Variants in AFF3 observed in about 807,000 individuals in gnomAD.
AFF3 encodes AF4/FMR2 family member 3.
Under a neutral mutation model 129.7 loss-of-function variants are expected in AFF3, and 32 were observed. That is an observed-to-expected ratio of 0.25 (90% CI 0.19 to 0.33). AFF3 has a LOEUF of 0.33. Ranked by LOEUF, AFF3 falls within the 10% of genes least tolerant of loss-of-function variation. The probability of loss-of-function intolerance (pLI) is 1.00; values close to 1 mark genes in which losing one functional copy is unlikely to be tolerated. For synonymous variants in AFF3, 644 were observed against 635.4 expected (o/e 1.01, Z -0.20); for missense variants, 1,373 against 1,592.0 (o/e 0.86, Z 2.34).
At chr2:100,009,435 T>C (rs1682301297) in intron 4 of AFF3, among the ~76,000 whole-genome samples, 1 of 152,138 alleles carries the variant, frequency 6.6e-6, no homozygotes, top group Admixed American at 6.5e-5. Context: ...TTCACAGTTA[T>C]GAGCCTTCTT....
chr2:99,639,155 C>G (rs1211438538), intron 13 of AFF3, among the ~76,000 whole-genome samples: 2 of 152,140 alleles, frequency 1.3e-5, no homozygotes, highest in East Asian at 3.8e-4. Context: ...GTATCCTCAG[C>G]CTGCTCTCTT....
At chr2:100,000,493 ATCTC>A (rs756074765) in intron 7 of AFF3, among the ~76,000 whole-genome samples, 7 of 148,820 alleles carry the variant, frequency 4.7e-5, no homozygotes, top group South Asian at 2.1e-4. Context: ...GTAGAATTTC[ATCTC>A]TCTCTAGCAC....
At chr2:99,652,929 G>A (rs1558702227) in intron 12 of AFF3, among the ~76,000 whole-genome samples, 1 of 152,212 alleles carries the variant, frequency 6.6e-6, no homozygotes, top group Admixed American at 6.5e-5. Flanking sequence ...AGCAGCGAGA[G>A]GCAGGGGAAG....
At chr2:99,947,185 A>G (rs1208668336) in intron 7 of AFF3, among the ~76,000 whole-genome samples, 1 of 152,190 alleles carries the variant, frequency 6.6e-6, no homozygotes, top group African/African-American at 2.4e-5. Context: ...TCATGCCTGT[A>G]ATCCTAGCAC....
At chr2:100,034,732 A>G (rs1465490934) in intron 4 of AFF3, among the ~76,000 whole-genome samples, 1 of 152,196 alleles carries the variant, frequency 6.6e-6, no homozygotes, top group Non-Finnish European at 1.5e-5. Flanking sequence ...AGAGCCCCAG[A>G]AAGGTCTACA....
At chr2:99,635,694 A>G (rs2105440199) in intron 13 of AFF3, among the ~76,000 whole-genome samples, 1 of 152,282 alleles carries the variant, frequency 6.6e-6, no homozygotes, top group East Asian at 1.9e-4. Context: ...GCTGAAGGCC[A>G]CAATGCCACC....
intron 14 of AFF3, among the ~76,000 whole-genome samples, chr2:99,597,395 A>T (rs931614419): frequency 6.6e-6 from 1 of 152,192 alleles, no homozygotes; most frequent in Non-Finnish European, 1.5e-5. Context: ...TATTTGTTTC[A>T]TGTGTATATA....
chr2:99,833,163 C>T (rs939628954), intron 8 of AFF3, among the ~76,000 whole-genome samples: 1 of 152,168 alleles, frequency 6.6e-6, no homozygotes, highest in Admixed American at 6.5e-5. Flanking sequence ...ATGTGAGGGG[C>T]TATCATGATG....
In AFF3 at chr2:99,560,370, T is replaced by G. The variant is rs1029944319; in HGVS notation, c.3186A>C (p.Ala1062=). 6.2e-7 allele frequency: 1 copy of G among 1,614,156 alleles called. No homozygotes were observed. Among genetic ancestry groups the G allele is most frequent in the Non-Finnish European group, 8.5e-7 (1 of 1,179,964 alleles). The stretch of plus-strand genomic sequence containing the variant: ...AAGCGGAGATGGGCACTCACCATAA[T>G]GCAGCCAGTTGTTTGTCTTCTGGTG... ...NATPEDKQLA[A]LCYRCLALLY... Residue 1062 remains alanine, a synonymous_variant, in exon 21 of 25, where the codon GCA becomes GCC. Coordinates refer to ENST00000672756, the MANE Select transcript of AFF3 (RefSeq NM_001386135.1).
At chr2:100,016,350 G>A (rs1355066733) in intron 4 of AFF3, among the ~76,000 whole-genome samples, 3 of 144,910 alleles carry the variant, frequency 2.1e-5, no homozygotes, top group Non-Finnish European at 4.4e-5. Context: ...TGATAGTGAT[G>A]GTGATGGTGG....
intron 7 of AFF3, among the ~76,000 whole-genome samples, chr2:99,861,358 A>G (rs1690986471): frequency 6.6e-6 from 1 of 152,228 alleles, no homozygotes; most frequent in Non-Finnish European, 1.5e-5. Flanking sequence ...GAAGTGGCCA[A>G]GAACAAGGGC....
intron 7 of AFF3, among the ~76,000 whole-genome samples, chr2:99,953,374 T>A (rs1676343411): frequency 6.6e-6 from 1 of 152,208 alleles, no homozygotes; most frequent in African/African-American, 2.4e-5. Context: ...AAGACACATT[T>A]GAGAAAGCGT....
intron 13 of AFF3, among the ~76,000 whole-genome samples, chr2:99,609,274 T>C (rs2105181708): frequency 6.6e-6 from 1 of 152,220 alleles, no homozygotes; most frequent in South Asian, 2.1e-4. Flanking sequence ...TAGGTGGCAT[T>C]TGGTTACATG....
intron 13 of AFF3, among the ~76,000 whole-genome samples, chr2:99,624,464 G>C (rs1682350463): frequency 6.6e-6 from 1 of 152,168 alleles, no homozygotes; most frequent in Admixed American, 6.6e-5. Context: ...AGAAAAGTCA[G>C]TCAATGAATA....
At chr2:99,963,153 T>C (rs1181566736) in intron 7 of AFF3, among the ~76,000 whole-genome samples, 1 of 151,890 alleles carries the variant, frequency 6.6e-6, no homozygotes, top group African/African-American at 2.4e-5. Context: ...TGTCAAATAC[T>C]GAAAGAAAAG....
At chr2:99,560,229 T>C in intron 21 of AFF3, 136 bp downstream of exon 21, 1 of 896,520 alleles carries the variant, frequency 1.1e-6, no homozygotes, top group South Asian at 1.7e-5. Context: ...GTCTGGACTT[T>C]CCCTGGTCAT....
intron 13 of AFF3, among the ~76,000 whole-genome samples, chr2:99,631,861 A>C (rs1683147453): frequency 6.6e-6 from 1 of 152,192 alleles, no homozygotes; most frequent in South Asian, 2.1e-4. Context: ...CTTTTGGGTA[A>C]TAACCAAAAG....
At chr2:99,734,762 G>C (rs1195616610) in intron 10 of AFF3, among the ~76,000 whole-genome samples, 1 of 151,960 alleles carries the variant, frequency 6.6e-6, no homozygotes, top group African/African-American at 2.4e-5. Flanking sequence ...TACTTGGCTG[G>C]ATGGAATTTA....
chr2:99,886,298 T>A (rs1447419761), intron 7 of AFF3, among the ~76,000 whole-genome samples: 1 of 152,166 alleles, frequency 6.6e-6, no homozygotes, highest in Non-Finnish European at 1.5e-5. Flanking sequence ...ACTTACTTTG[T>A]CCCTGGCCAG....
Sources: allele counts gnomAD v4.1 joint callset (sites outside exome capture counted in the v4.1 genomes callset), GRCh38; gene constraint gnomAD v4.1.1; transcripts MANE v1.5; gene names NCBI Gene and HGNC (gene_info 2026-07-23, HGNC 2026-07-21).